The following FAM162A variants were observed in gnomAD, a reference collection of about 807,000 sequenced individuals.
The protein encoded by FAM162A is protein FAM162A.
Under a neutral mutation model 21.8 loss-of-function variants are expected in FAM162A, and 23 were observed. That is an observed-to-expected ratio of 1.05 (90% confidence interval 0.76 to 1.49). The LOEUF (loss-of-function observed/expected upper bound fraction) is 1.49, where lower values mean the gene tolerates loss of function less well. Among genes scored for constraint, FAM162A ranks in the 40% most tolerant of loss-of-function variants. The pLI, the probability that FAM162A is intolerant of heterozygous loss-of-function variation, is 0.00. For missense variants in FAM162A, 165 were observed against 186.4 expected (o/e 0.89, Z 0.67); for synonymous variants, 53 against 61.3 (o/e 0.86, Z 0.64).
chr3:122,388,131 A>G (rs2075583045), intron 1 of FAM162A, among the ~76,000 whole-genome samples: 2 of 152,218 alleles, frequency 1.3e-5, no homozygotes, highest in South Asian at 4.1e-4. Flanking sequence ...GCTGCTACCT[A>G]TGAAGATATT....
At chr3:122,392,531 G>C (rs951332042) in intron 1 of FAM162A, among the ~76,000 whole-genome samples, 2 of 152,158 alleles carry the variant, frequency 1.3e-5, no homozygotes, top group Non-Finnish European at 2.9e-5. Flanking sequence ...GAAAAGCCTA[G>C]GTTCTCAAAG....
chr3:122,384,432 C>T (rs1186927987), intron 1 of FAM162A, 133 bp downstream of exon 1: 5 of 1,114,526 alleles, frequency 4.5e-6, no homozygotes, highest in East Asian at 5.1e-5. Flanking sequence ...CAGAATCCTA[C>T]CTACTTAGTA....
intron 1 of FAM162A, 130 bp downstream of exon 1, chr3:122,384,429 CT>C: frequency 8.7e-7 from 1 of 1,144,770 alleles, no homozygotes; most frequent in Non-Finnish European, 1.3e-6. Flanking sequence ...CCTCAGAATC[CT>C]ACCTACTTAG....
In FAM162A at chr3:122,404,316, A is replaced by G. The variant is rs2075667261; in HGVS notation, c.216A>G (p.Ile72Met). Residue 72 changes from isoleucine to methionine, a missense_variant, in exon 3 of 5, where the codon ATA becomes ATG. Physicochemically the swap from Ile to Met is conservative, Grantham distance 10. Coordinates refer to ENST00000477892, the MANE Select transcript of FAM162A (RefSeq NM_014367.4). ...KPTDWQKKIL[I>M]WSGRFKKEDE... ...CGGATTGGCAGAAAAAGATCCTCAT[A>G]TGGTCAGGTCGCTTCAAAAAGGAAG... The G allele has an allele frequency of 1.2e-6, 2 of 1,609,674 alleles. No individual in the cohort carries two copies. The highest frequency in any genetic ancestry group is 1.7e-6 in the Non-Finnish European group (2 of 1,177,954).
chr3:122,399,804 CT>C (rs908848149), intron 1 of FAM162A, among the ~76,000 whole-genome samples: 5 of 152,074 alleles, frequency 3.3e-5, no homozygotes, highest in African/African-American at 4.8e-5. Context: ...TATTTTTTGA[CT>C]TTTTAATAGC....
chr3:122,401,628 A>G, intron 1 of FAM162A: 1 of 917,026 alleles, frequency 1.1e-6, no homozygotes, highest in Non-Finnish European at 1.4e-6. Context: ...TGATTAAAAT[A>G]GTATATATCT....
Position 122,384,193 on chromosome 3 carries a change from G to C in FAM162A, c.-73G>C. On this transcript the variant is annotated 5_prime_UTR_variant, in exon 1 of 5. Transcript: ENST00000477892. ...CCTGCGTCCTTCCCACTCCAACGCT[G>C]GGTGACATTGAGCTCACCAGCGCCA... is the stretch of plus-strand genomic sequence containing the variant. The C allele has an allele frequency of 6.5e-7, 1 of 1,540,502 alleles. No homozygotes were observed. Among genetic ancestry groups the C allele is most frequent in the East Asian group, 2.4e-5 (1 of 40,884 alleles).
chr3:122,407,740 AG>A lies in FAM162A; in HGVS notation c.372+352del, dbSNP rs1196067492. On this transcript the variant is annotated intron_variant, in intron 4 of 4. Coordinates refer to ENST00000477892, the MANE Select transcript of FAM162A (RefSeq NM_014367.4). Reference sequence around the variant, plus strand: ...ATTTCCAGAGTGCTCTTGGTACCCAAGTGTATTTACCCTCACCATAACTGCC... The same window carrying A: ...ATTTCCAGAGTGCTCTTGGTACCCAATGTATTTACCCTCACCATAACTGCC... 1.2e-5 allele frequency: 4 copies of A among 340,802 alleles called. No individual in the cohort carries two copies. The Admixed American group carries it at 1.7e-4, about 14-fold the overall frequency. 21.1% of individuals were successfully genotyped at this position (340,802 alleles called of 1,614,324 possible). A position where few individuals can be genotyped will look rare whatever the true frequency, so the allele number is the denominator to read the frequency against.
Position 122,384,207 on chromosome 3 carries a change from T to C in FAM162A, c.-59T>C. On this transcript the variant is annotated 5_prime_UTR_variant, in exon 1 of 5. Transcript: ENST00000477892. ...ACTCCAACGCTGGGTGACATTGAGC[T>C]CACCAGCGCCACCGTCCCCGGCGAA... 2 of 1,548,976 alleles carry C rather than the reference T, an allele frequency of 1.3e-6. No homozygotes were observed. Among genetic ancestry groups the C allele is most frequent in the Non-Finnish European group, 1.7e-6 (2 of 1,145,948 alleles).
intron 2 of FAM162A, among the ~76,000 whole-genome samples, chr3:122,403,906 T>C (rs528738377): frequency 2.6e-5 from 4 of 152,334 alleles, no homozygotes; most frequent in Non-Finnish European, 5.9e-5. Flanking sequence ...TAATAAGCCT[T>C]CCTAAAACAT....
In FAM162A at chr3:122,394,725, T is replaced by C. The variant is rs145513957; in HGVS notation, c.35-8035T>C. On this transcript the variant is annotated intron_variant, in intron 1 of 4. Coordinates refer to ENST00000477892, the MANE Select transcript of FAM162A (RefSeq NM_014367.4). The stretch of plus-strand genomic sequence containing the variant: ...CAAACATTTAAAGAAAAAAATAGAA[T>C]TAATCTTTCACAAATTCTTCCAAAA... Among the ~76,000 whole-genome samples, 39 of 152,274 alleles carry C rather than the reference T, an allele frequency of 2.6e-4. No individual in the cohort carries two copies. The East Asian group carries it at 7.3e-3, about 29-fold the overall frequency.
rs79546413 is a variant in FAM162A, at chr3:122,403,665, A to G, written c.158-593A>G. Among the ~76,000 whole-genome samples, 677 of 152,198 alleles carry G rather than the reference A, an allele frequency of 4.4e-3. 6 individuals are homozygous for G. Among genetic ancestry groups the G allele is most frequent in the African/African-American group, 0.016 (644 of 41,526 alleles). Reference sequence around the variant, plus strand: ...CTTTTCCCGTCTTCTTTTAGTTACAATACTGCTGTTGTCTTAGTCATCCAA... The same window carrying G: ...CTTTTCCCGTCTTCTTTTAGTTACAGTACTGCTGTTGTCTTAGTCATCCAA... On this transcript the variant is annotated intron_variant, in intron 2 of 4. Coordinates refer to ENST00000477892, the MANE Select transcript of FAM162A (RefSeq NM_014367.4).
At chr3:122,394,494 A>T (rs9841311) in intron 1 of FAM162A, among the ~76,000 whole-genome samples, 52,703 of 152,074 alleles carry the variant, frequency 0.35, 10,231 homozygotes, top group East Asian at 0.56. Flanking sequence ...CAAAGGATAC[A>T]AGGAGAGACT....
intron 4 of FAM162A, 106 bp from the exon 5 acceptor site, chr3:122,409,633 A>ACTCCATGC (rs1470425518): frequency 2.5e-5 from 22 of 893,114 alleles, no homozygotes; most frequent in Admixed American, 3.9e-5. Flanking sequence ...GCAGCAGAGG[A>ACTCCATGC]CTCCATGCCT....
chr3:122,396,752 T>C (rs1448263458), intron 1 of FAM162A, among the ~76,000 whole-genome samples: 1 of 152,168 alleles, frequency 6.6e-6, no homozygotes, highest in Non-Finnish European at 1.5e-5. Context: ...TTGACTAATG[T>C]GTAAACAAAC....
chr3:122,391,760 C>A (rs546207836), intron 1 of FAM162A, among the ~76,000 whole-genome samples: 140 of 152,288 alleles, frequency 9.2e-4, no homozygotes, highest in African/African-American at 3.2e-3. Flanking sequence ...ATTTATAATT[C>A]TTTCTGTTTG....
chr3:122,389,832 T>G (rs2075592748), intron 1 of FAM162A, among the ~76,000 whole-genome samples: 1 of 152,252 alleles, frequency 6.6e-6, no homozygotes, highest in Non-Finnish European at 1.5e-5. Context: ...TCACATCTTT[T>G]TTTAACTTCC....
intron 2 of FAM162A, 74 bp downstream of exon 2, chr3:122,402,956 C>G (rs1257448458): frequency 6.7e-7 from 1 of 1,487,086 alleles, no homozygotes; most frequent in Non-Finnish European, 9.0e-7. Context: ...CAAAAGAACC[C>G]AAAAGAGAAG....
At chr3:122,386,097 G>C (rs1247688696) in intron 1 of FAM162A, among the ~76,000 whole-genome samples, 2 of 152,156 alleles carry the variant, frequency 1.3e-5, no homozygotes, top group Non-Finnish European at 2.9e-5. Flanking sequence ...GTGCGTGTGT[G>C]AATTTGTCAT....
Sources: gnomAD v4.1 joint callset for allele counts (sites outside exome capture counted in the v4.1 genomes callset) on GRCh38, gnomAD v4.1.1 for gene constraint, MANE v1.5 for transcripts, NCBI Gene and HGNC (gene_info 2026-07-23, HGNC 2026-07-21) for gene names.